The following CPA6 variants were observed in gnomAD, a reference collection of about 807,000 sequenced individuals.
The protein encoded by CPA6 is carboxypeptidase A6, also known as carboxypeptidase B.
CPA6 carries 58 observed loss-of-function variants against 63.3 expected under a neutral mutation model. The observed-to-expected ratio is 0.92, with a 90% CI of 0.74 to 1.14. The LOEUF (loss-of-function observed/expected upper bound fraction) is 1.14, where lower values mean the gene tolerates loss of function less well. Among genes scored for constraint, CPA6 ranks in the 50% most tolerant of loss-of-function variants. The pLI is 0.00. For missense variants in CPA6, 565 were observed against 526.6 expected (o/e 1.07, Z -0.71); for synonymous variants, 185 against 179.0 (o/e 1.03, Z -0.27).
At chr8:67,607,207 CTTCTTCTTCTTCTTCTTCTTCT>C (rs1814677317) in intron 2 of CPA6, among the ~76,000 whole-genome samples, 2 of 94,264 alleles carry the variant, frequency 2.1e-5, no homozygotes, top group Admixed American at 2.6e-4. Flanking sequence ...TCTTCTTCTT[CTTCTTCTTCTTCTTCTTCTTCT>C]TCTTCTTCTT....
chr8:67,726,302 A>T (rs1213961650), intron 1 of CPA6, among the ~76,000 whole-genome samples: 1 of 152,202 alleles, frequency 6.6e-6, no homozygotes, highest in African/African-American at 2.4e-5. Flanking sequence ...AATTTTATCA[A>T]GCAGTGGAGT....
intron 2 of CPA6, among the ~76,000 whole-genome samples, chr8:67,579,868 G>A (rs1267580444): frequency 6.6e-6 from 1 of 152,206 alleles, no homozygotes; most frequent in Non-Finnish European, 1.5e-5. Context: ...GAGTTGAGTG[G>A]TTAACACAGA....
At chr8:67,594,423 G>A (rs1172164110) in intron 2 of CPA6, among the ~76,000 whole-genome samples, 4 of 152,138 alleles carry the variant, frequency 2.6e-5, no homozygotes, top group Admixed American at 1.3e-4. Flanking sequence ...GAATCTGAAT[G>A]TTGGCCTGCC....
chr8:67,686,011 C>T (rs1816702012), intron 1 of CPA6, among the ~76,000 whole-genome samples: 1 of 152,224 alleles, frequency 6.6e-6, no homozygotes, highest in Admixed American at 6.5e-5. Flanking sequence ...GCACTCACTG[C>T]CGCTTGATAA....
At chr8:67,665,276 T>C (rs1484678448) in intron 1 of CPA6, among the ~76,000 whole-genome samples, 1 of 152,220 alleles carries the variant, frequency 6.6e-6, no homozygotes, top group Non-Finnish European at 1.5e-5. Context: ...CCTTAGTAGG[T>C]ACATCTATAT....
At chr8:67,654,142 G>C (rs1359538296) in intron 1 of CPA6, among the ~76,000 whole-genome samples, 1 of 152,134 alleles carries the variant, frequency 6.6e-6, no homozygotes, top group Non-Finnish European at 1.5e-5. Context: ...GATTCCATTT[G>C]CCAGTATTTT....
At chr8:67,733,868 T>TTTTTTTTTA (rs397978433) in intron 1 of CPA6, among the ~76,000 whole-genome samples, 1 of 143,012 alleles carries the variant, frequency 7.0e-6, no homozygotes. Flanking sequence ...TTTTTTTTTT[T>TTTTTTTTTA]GAGACAGGCT....
At chr8:67,667,824 G>A (rs971486852) in intron 1 of CPA6, among the ~76,000 whole-genome samples, 1 of 152,248 alleles carries the variant, frequency 6.6e-6, no homozygotes, top group African/African-American at 2.4e-5. Flanking sequence ...CCAAGACTGG[G>A]CTGCTCACCC....
At chr8:67,555,461 G>A (rs933818274) in intron 2 of CPA6, among the ~76,000 whole-genome samples, 2 of 152,276 alleles carry the variant, frequency 1.3e-5, no homozygotes, top group South Asian at 2.1e-4. Context: ...CAAAGAGGAC[G>A]GGGAAGCCCC....
intron 2 of CPA6, among the ~76,000 whole-genome samples, chr8:67,611,604 C>T (rs964460721): frequency 2.0e-5 from 3 of 152,170 alleles, no homozygotes; most frequent in African/African-American, 7.2e-5. Flanking sequence ...AGCTAGACTC[C>T]ATAAATATTT....
intron 1 of CPA6, among the ~76,000 whole-genome samples, chr8:67,631,840 G>A (rs992725894): frequency 6.6e-6 from 1 of 151,612 alleles, no homozygotes; most frequent in Non-Finnish European, 1.5e-5. Flanking sequence ...AACTCCAGAC[G>A]TGCCACCTTA....
intron 2 of CPA6, among the ~76,000 whole-genome samples, chr8:67,571,790 AAAG>A (rs1335657925): frequency 2.0e-5 from 3 of 152,132 alleles, no homozygotes; most frequent in Admixed American, 6.5e-5. Flanking sequence ...GAAATACAAA[AAAG>A]AAGAACAAAC....
At chr8:67,476,805 A>G (rs2128960264) in intron 8 of CPA6, among the ~76,000 whole-genome samples, 2 of 152,270 alleles carry the variant, frequency 1.3e-5, no homozygotes, top group South Asian at 4.1e-4. Flanking sequence ...CTTCTCTCTT[A>G]GTTTCTTCAT....
chr8:67,611,003 A>G (rs1186482902), intron 2 of CPA6, among the ~76,000 whole-genome samples: 2 of 152,148 alleles, frequency 1.3e-5, no homozygotes, highest in Non-Finnish European at 2.9e-5. Context: ...AATTGTTATT[A>G]TAAGTACCTT....
intron 2 of CPA6, among the ~76,000 whole-genome samples, chr8:67,536,164 G>A (rs561717640): frequency 2.6e-5 from 4 of 152,290 alleles, no homozygotes; most frequent in African/African-American, 7.2e-5. Flanking sequence ...GCTTAGGATT[G>A]TCTTGGTTGT....
chr8:67,571,862 A>G (rs1485960636), intron 2 of CPA6, among the ~76,000 whole-genome samples: 2 of 152,166 alleles, frequency 1.3e-5, no homozygotes, highest in African/African-American at 4.8e-5. Context: ...TAGAGACTAG[A>G]AAAACAATAT....
intron 9 of CPA6, among the ~76,000 whole-genome samples, chr8:67,430,817 T>C (rs951994131): frequency 6.6e-6 from 1 of 152,168 alleles, no homozygotes; most frequent in Non-Finnish European, 1.5e-5. Context: ...CAAAAATGTC[T>C]CTAGACATTG....
intron 1 of CPA6, among the ~76,000 whole-genome samples, chr8:67,693,903 AG>A (rs1348798385): frequency 6.6e-6 from 1 of 152,232 alleles, no homozygotes; most frequent in East Asian, 1.9e-4. Context: ...ACTAAAATTC[AG>A]GGGCCTTCTG....
chr8:67,449,918 C>A (rs577449820), intron 8 of CPA6, among the ~76,000 whole-genome samples: 4 of 150,250 alleles, frequency 2.7e-5, no homozygotes, highest in Non-Finnish European at 3.0e-5. Flanking sequence ...CGGGTTCAAG[C>A]GATTCTCATG....
Sources: allele counts gnomAD v4.1 joint callset (sites outside exome capture counted in the v4.1 genomes callset), GRCh38; gene constraint gnomAD v4.1.1; transcripts MANE v1.5; gene names NCBI Gene and HGNC (gene_info 2026-07-23, HGNC 2026-07-21).